The following TRAPPC10 variants were observed in gnomAD, a reference collection of about 807,000 sequenced individuals.
TRAPPC10 encodes the protein TRAPP 130 kDa subunit.
Under a neutral mutation model 125.5 loss-of-function variants are expected in TRAPPC10, and 23 were observed. The observed-to-expected ratio is 0.18, with a 90% CI of 0.13 to 0.26. TRAPPC10 has a LOEUF of 0.26. Among genes scored for constraint, TRAPPC10 ranks in the 10% least tolerant of loss-of-function variants. The pLI, the probability that TRAPPC10 is intolerant of heterozygous loss-of-function variation, is 1.00. For missense variants in TRAPPC10, 1,123 were observed against 1,308.4 expected (o/e 0.86, Z 2.19); for synonymous variants, 509 against 518.0 (o/e 0.98, Z 0.24).
chr21:44,082,868 G>C lies in TRAPPC10; in HGVS notation c.1804G>C (p.Val602Leu), dbSNP rs930744868. The stretch of plus-strand genomic sequence containing the variant: ...TGATCCCTCCAATGCCGTGGTCCAC[G>C]TGGGCGGCGTTTTGTGCGTTGAGAT... ...HFDPSNAVVH[V>L]GGVLCVEITM... Residue 602 changes from valine (V) to leucine (L), a missense_variant, in exon 14 of 23, where the codon GTG becomes CTG. Around this residue, in one of 4 missense-constraint regions of TRAPPC10, gnomAD observed 840 missense variants for 902.0 expected, o/e 0.93. Coordinates refer to ENST00000291574, the MANE Select transcript of TRAPPC10 (RefSeq NM_003274.5). The surrounding 1 kb of genome is among the most constrained non-coding windows in gnomAD (Gnocchi z 4.4). 1 of 1,614,122 alleles carries C rather than the reference G, an allele frequency of 6.2e-7. No homozygotes were observed. Among genetic ancestry groups the C allele is most frequent in the Non-Finnish European group, 8.5e-7 (1 of 1,180,038 alleles).
rs1482603613 is a variant in TRAPPC10, at chr21:44,087,097, C to T, written c.2539+137C>T. ...GTCTGGAGTCCGTGTTCCATAGGAG[C>T]CCTGCGGCCTGATGCCTGTGCTGGG... On this transcript the variant is annotated intron_variant, in intron 16 of 22. Transcript: ENST00000291574. This position sits in a 1 kb window ranked among gnomAD's most constrained non-coding sequence, Gnocchi z 4.6. 7.1e-6 allele frequency: 7 copies of T among 987,212 alleles called. No individual in the cohort carries two copies. Among genetic ancestry groups the T allele is most frequent in the Non-Finnish European group, 1.0e-5 (7 of 680,914 alleles). 61.2% of individuals were successfully genotyped at this position (987,212 alleles called of 1,614,324 possible).
intron 1 of TRAPPC10, among the ~76,000 whole-genome samples, chr21:44,023,119 A>G (rs967815184): frequency 2.4e-5 from 3 of 125,366 alleles, no homozygotes; most frequent in Non-Finnish European, 4.7e-5. Flanking sequence ...TGCAAGTTCC[A>G]CCTCCCGGGT....
intron 7 of TRAPPC10, among the ~76,000 whole-genome samples, chr21:44,072,423 G>C (rs1197308556): frequency 6.6e-6 from 1 of 152,172 alleles, no homozygotes; most frequent in Non-Finnish European, 1.5e-5. Flanking sequence ...AGCACTGTAC[G>C]TCTTCCTGCT....
At position 44,079,589 on chromosome 21, in the gene TRAPPC10, G is replaced by C. The variant is rs2037533550; in HGVS notation, c.1495G>C (p.Glu499Gln). The change falls in exon 12 of 23, where the codon GAA becomes CAA. Residue 499 changes from glutamate (E) to glutamine (Q), a missense_variant. Coordinates refer to ENST00000291574, the MANE Select transcript of TRAPPC10 (RefSeq NM_003274.5). ...GAGGAAAAAGGCTCCACAAAAGGCA[G>C]AAATCTATCTTCAAGGAGCACTGAA... ...YMRKKAPQKA[E>Q]IYLQGALKNY... The C allele has an allele frequency of 2.5e-6, 4 of 1,601,390 alleles. No individual in the cohort carries two copies. The highest frequency in any genetic ancestry group is 3.4e-6 in the Non-Finnish European group (4 of 1,177,100).
At position 44,028,734 on chromosome 21, in the gene TRAPPC10, TAATA is replaced by T. The variant is rs1246269563; in HGVS notation, c.68-3352_68-3349del. Among the ~76,000 whole-genome samples, 4 of 152,346 alleles carry T rather than the reference TAATA, an allele frequency of 2.6e-5. No individual in the cohort carries two copies. The East Asian group carries it at 7.7e-4, about 29-fold the overall frequency. ...GGAATAAAAGGCCTGAGTTGTCTCTTAATAAATAGCCTCCTGAGGCAGAACAGTG... is the reference window on the plus strand; with the variant it reads ...GGAATAAAAGGCCTGAGTTGTCTCTTAATAGCCTCCTGAGGCAGAACAGTG... On this transcript the variant is annotated intron_variant, in intron 1 of 22. Transcript: ENST00000291574.
At chr21:44,049,675 T>C (rs1601660412) in intron 3 of TRAPPC10, among the ~76,000 whole-genome samples, 2 of 152,290 alleles carry the variant, frequency 1.3e-5, no homozygotes, top group East Asian at 3.9e-4. Context: ...TACTGCCACC[T>C]GGACACCCTC....
At chr21:44,065,515 C>T (rs2036380872) in intron 7 of TRAPPC10, among the ~76,000 whole-genome samples, 1 of 152,218 alleles carries the variant, frequency 6.6e-6, no homozygotes, top group Non-Finnish European at 1.5e-5. Context: ...AGTTCTGCAT[C>T]TCCAGTGAGA....
intron 17 of TRAPPC10, chr21:44,088,239 G>A (rs1482622063): frequency 3.4e-5 from 13 of 386,894 alleles, no homozygotes; most frequent in African/African-American, 6.1e-5. Flanking sequence ...CCATTAGACC[G>A]GTGACGAGGC....
At chr21:44,094,267 GA>G in intron 20 of TRAPPC10, 34 bp downstream of exon 20, 3 of 1,560,814 alleles carry the variant, frequency 1.9e-6, no homozygotes, top group South Asian at 1.1e-5. Flanking sequence ...GGGTGGGGGT[GA>G]AAAAATGAAA....
intron 6 of TRAPPC10, chr21:44,060,187 G>A (rs2035927005): frequency 6.6e-6 from 1 of 152,058 alleles, no homozygotes; most frequent in African/African-American, 2.4e-5. Context: ...CTCCTGAGAT[G>A]CCAGTATAGA....
chr21:44,071,080 G>A (rs1242682050), intron 7 of TRAPPC10, among the ~76,000 whole-genome samples: 1 of 152,218 alleles, frequency 6.6e-6, no homozygotes, highest in Non-Finnish European at 1.5e-5. Flanking sequence ...ACTCAGCAAG[G>A]TTGAATCTTA....
At chr21:44,062,989 G>A (rs1318732364) in intron 6 of TRAPPC10, 13 of 1,302,916 alleles carry the variant, frequency 1.0e-5, no homozygotes, top group Middle Eastern at 2.1e-4. Context: ...TGAAATTTTC[G>A]ACAAGCAGTA....
At chr21:44,051,056 G>A (rs1239043138) in intron 3 of TRAPPC10, among the ~76,000 whole-genome samples, 5 of 152,124 alleles carry the variant, frequency 3.3e-5, no homozygotes, top group African/African-American at 9.7e-5. Context: ...GGTGCACACC[G>A]CCATGCCCGG....
At chr21:44,042,025 C>G (rs1601628024) in intron 3 of TRAPPC10, among the ~76,000 whole-genome samples, 1 of 152,100 alleles carries the variant, frequency 6.6e-6, no homozygotes, top group Admixed American at 6.5e-5. Context: ...ATCATTATTT[C>G]TTATTTTGTA....
At position 44,080,180 on chromosome 21, in the gene TRAPPC10, TAAA is replaced by T. The variant is rs1264508803; in HGVS notation, c.1723+57_1723+59del. ...GGAATATTTTCAAATATTACAGAAG[TAAA>T]AAAGAATACAAGATATACCAACCAC... On this transcript the variant is annotated intron_variant, in intron 13 of 22. Coordinates refer to ENST00000291574, the MANE Select transcript of TRAPPC10 (RefSeq NM_003274.5). 4 of 1,466,464 alleles carry T rather than the reference TAAA, an allele frequency of 2.7e-6. No individual in the cohort carries two copies. In the South Asian group the frequency reaches 3.5e-5, roughly 13 times the overall value. The allele number at this position is 1,466,464 out of a possible 1,614,324, so 90.8% of individuals were successfully genotyped here. A position where few individuals can be genotyped will look rare whatever the true frequency, so the allele number is the denominator to read the frequency against.
chr21:44,012,918 G>T (rs1415927042), intron 1 of TRAPPC10, among the ~76,000 whole-genome samples: 1 of 152,066 alleles, frequency 6.6e-6, no homozygotes, highest in African/African-American at 2.4e-5. Flanking sequence ...CGGGACCTGG[G>T]GGCCCCGGCC....
In TRAPPC10 at chr21:44,053,115, G is replaced by A. The variant is rs540443538; in HGVS notation, c.482+639G>A. Among the ~76,000 whole-genome samples the A allele has an allele frequency of 2.0e-5, 3 of 152,168 alleles. No homozygotes were observed. The East Asian group carries it at 5.8e-4, about 29-fold the overall frequency. On this transcript the variant is annotated intron_variant, in intron 4 of 22. Coordinates refer to ENST00000291574, the MANE Select transcript of TRAPPC10 (RefSeq NM_003274.5). ...ACCCAAGGCCTGGGGATTCAGGGGC[G>A]AACATGGACCCTGCCCTGGTCCAGC...
intron 7 of TRAPPC10, among the ~76,000 whole-genome samples, chr21:44,072,792 G>C (rs558445899): frequency 3.9e-5 from 6 of 152,302 alleles, no homozygotes; most frequent in African/African-American, 1.4e-4. Flanking sequence ...TGTCACCAGT[G>C]TGTGCCCAGG....
chr21:44,012,335 C>T lies in TRAPPC10; in HGVS notation c.-159C>T, dbSNP rs1460458019. 4 of 204,716 alleles carry T rather than the reference C, an allele frequency of 2.0e-5. No individual in the cohort carries two copies. The highest frequency in any genetic ancestry group is 3.4e-5 in the Non-Finnish European group (4 of 116,618). The allele number at this position is 204,716 out of a possible 1,614,324, so 12.7% of individuals were successfully genotyped here. Reference sequence around the variant, plus strand: ...GCGCCGAGGCCGGAAGTGGCTGAGGCCGGCAGCAGCGGGCGGCAGCTGCGG... The same window carrying T: ...GCGCCGAGGCCGGAAGTGGCTGAGGTCGGCAGCAGCGGGCGGCAGCTGCGG... On this transcript the variant is annotated 5_prime_UTR_variant, in exon 1 of 23. Transcript: ENST00000291574.
Sources: gnomAD v4.1 joint callset for allele counts (sites outside exome capture counted in the v4.1 genomes callset) on GRCh38, gnomAD v4.1.1 for gene constraint, gnomAD v4.1.1 regional missense constraint, Gnocchi (gnomAD v3.1) non-coding constraint, MANE v1.5 for transcripts, NCBI Gene and HGNC (gene_info 2026-07-23, HGNC 2026-07-21) for gene names.